CREB3L2: variants seen among roughly 807,000 people sequenced by gnomAD.
CREB3L2 encodes cAMP responsive element binding protein 3 like 2.
Under a neutral mutation model 57.2 loss-of-function variants are expected in CREB3L2, and 23 were observed. The ratio of observed to expected loss-of-function variants is 0.40; its 90% CI spans 0.29 to 0.57. The LOEUF is 0.57. CREB3L2 is among the 20% of genes least tolerant of loss of function. The pLI is 0.42. For missense variants in CREB3L2, 628 were observed against 634.7 expected (o/e 0.99, Z 0.11); for synonymous variants, 268 against 265.1 (o/e 1.01, Z -0.11).
chr7:137,884,694 T>A, intron 10 of CREB3L2: 2 of 594,014 alleles, frequency 3.4e-6, no homozygotes, highest in Non-Finnish European at 6.0e-6. Context: ...TTCCCTCATC[T>A]GCTTCCCTCT....
At chr7:137,905,645 T>C in intron 6 of CREB3L2, 57 bp downstream of exon 6, 1 of 1,581,812 alleles carries the variant, frequency 6.3e-7, no homozygotes, top group East Asian at 2.2e-5. Context: ...GGGAAAGGGA[T>C]GCTGACTCGA....
intron 10 of CREB3L2, among the ~76,000 whole-genome samples, chr7:137,883,343 C>A (rs1297134135): frequency 6.6e-6 from 1 of 152,180 alleles, no homozygotes; most frequent in African/African-American, 2.4e-5. Flanking sequence ...TTCCCTATCC[C>A]AAATCCAGTA....
At chr7:137,981,743 C>T (rs1801715758) in intron 1 of CREB3L2, among the ~76,000 whole-genome samples, 1 of 152,202 alleles carries the variant, frequency 6.6e-6, no homozygotes, top group Admixed American at 6.5e-5. Flanking sequence ...CTTGAGAATA[C>T]TCCGAAATGC....
chr7:137,918,257 C>A (rs1057034231), intron 2 of CREB3L2, among the ~76,000 whole-genome samples: 2 of 152,184 alleles, frequency 1.3e-5, no homozygotes, highest in African/African-American at 4.8e-5. Context: ...GTGGCACCAT[C>A]TCGGCTCGCT....
intron 6 of CREB3L2, 44 bp from the exon 7 acceptor site, chr7:137,904,061 G>T: frequency 6.6e-7 from 1 of 1,517,304 alleles, no homozygotes; most frequent in Non-Finnish European, 9.2e-7. Flanking sequence ...TTCCAGCTCT[G>T]TAAGTAAACC....
At chr7:137,895,196 T>C (rs1462578240) in intron 8 of CREB3L2, among the ~76,000 whole-genome samples, 1 of 152,010 alleles carries the variant, frequency 6.6e-6, no homozygotes, top group Non-Finnish European at 1.5e-5. Context: ...ACTATACCAG[T>C]GGGAAAAAAT....
chr7:137,940,654 G>A (rs888190389), intron 1 of CREB3L2, among the ~76,000 whole-genome samples: 2 of 152,208 alleles, frequency 1.3e-5, no homozygotes, highest in African/African-American at 4.8e-5. Flanking sequence ...AACAGAACGT[G>A]CATGTTGCAA....
intron 1 of CREB3L2, among the ~76,000 whole-genome samples, chr7:137,982,487 TGG>T (rs978954895): frequency 6.6e-6 from 1 of 152,106 alleles, no homozygotes; most frequent in Non-Finnish European, 1.5e-5. Context: ...AGGGACGCAG[TGG>T]GAAGTCATTG....
At chr7:137,947,824 A>G (rs918228526) in intron 1 of CREB3L2, among the ~76,000 whole-genome samples, 2 of 152,242 alleles carry the variant, frequency 1.3e-5, no homozygotes, top group Admixed American at 1.3e-4. Context: ...GACCAGTCAC[A>G]GCCTGGCTTG....
At chr7:137,996,811 T>A (rs1180847429) in intron 1 of CREB3L2, among the ~76,000 whole-genome samples, 1 of 152,208 alleles carries the variant, frequency 6.6e-6, no homozygotes, top group Non-Finnish European at 1.5e-5. Context: ...AACCACCAAA[T>A]GATTTTACAA....
At chr7:137,977,346 G>T (rs1034340120) in intron 1 of CREB3L2, among the ~76,000 whole-genome samples, 1 of 152,208 alleles carries the variant, frequency 6.6e-6, no homozygotes, top group East Asian at 1.9e-4. Flanking sequence ...TCCTCTAAGA[G>T]ACCCAAAGCA....
intron 1 of CREB3L2, among the ~76,000 whole-genome samples, chr7:137,969,324 TGA>T (rs1173772767): frequency 6.6e-6 from 1 of 151,336 alleles, no homozygotes. Context: ...AAAATTTTTT[TGA>T]GCATTATGAT....
rs1076517 is a variant in CREB3L2, at chr7:137,987,260, G to C, written c.102+14344C>G. Reference sequence around the variant, plus strand: ...TCACTAGATCCCATCTCTTTCCAAAGGATAACATCTACTGCCTAAGTCATC... The same window carrying C: ...TCACTAGATCCCATCTCTTTCCAAACGATAACATCTACTGCCTAAGTCATC... On this transcript the variant is annotated intron_variant, in intron 1 of 11. Coordinates refer to ENST00000330387, the MANE Select transcript of CREB3L2 (RefSeq NM_194071.4). 3.3e-5 allele frequency among the ~76,000 whole-genome samples: 5 copies of C among 152,228 alleles called. No individual in the cohort carries two copies. The East Asian group carries it at 9.6e-4, about 29-fold the overall frequency.
chr7:137,908,031 T>C (rs973099469), intron 5 of CREB3L2, among the ~76,000 whole-genome samples: 2 of 152,122 alleles, frequency 1.3e-5, no homozygotes, highest in South Asian at 2.1e-4. Flanking sequence ...GAAGTGTGCA[T>C]GTGAAAAGGA....
intron 1 of CREB3L2, among the ~76,000 whole-genome samples, chr7:137,932,276 T>C (rs1800663355): frequency 6.6e-6 from 1 of 152,226 alleles, no homozygotes; most frequent in Non-Finnish European, 1.5e-5. Flanking sequence ...TTTTATTGTA[T>C]GTAACATTGT....
rs1414845477 is a variant in CREB3L2, at chr7:137,901,383, C to G, written c.1014G>C (p.Lys338Asn). 23 of 1,608,574 alleles carry G rather than the reference C, an allele frequency of 1.4e-5. No individual in the cohort carries two copies. Among genetic ancestry groups the G allele is most frequent in the Non-Finnish European group, 1.9e-5 (22 of 1,175,184 alleles). Reference sequence around the variant, plus strand: ...TAGTGTTCTCTAGAACCTCTACCTTCTTCCGAAGCTCCAAGTTCTCAGTTG... The same window carrying G: ...TAGTGTTCTCTAGAACCTCTACCTTGTTCCGAAGCTCCAAGTTCTCAGTTG... ...SCSTENLELR[K>N]KVEVLENTNR... is the part of the protein sequence containing the mutation. Residue 338 changes from lysine (K) to asparagine (N), a missense_variant, in exon 8 of 12, where the codon AAG becomes AAC. Lys to Asn is a moderately conservative substitution (Grantham distance 94). Coordinates refer to ENST00000330387, the MANE Select transcript of CREB3L2 (RefSeq NM_194071.4).
chr7:137,976,440 G>A (rs1052339619), intron 1 of CREB3L2, among the ~76,000 whole-genome samples: 10 of 149,860 alleles, frequency 6.7e-5, no homozygotes, highest in Non-Finnish European at 1.3e-4. Context: ...ACAATCATCT[G>A]GAGAAGTGGT....
intron 1 of CREB3L2, among the ~76,000 whole-genome samples, chr7:137,932,745 G>T (rs1800679722): frequency 6.6e-6 from 1 of 152,170 alleles, no homozygotes; most frequent in Non-Finnish European, 1.5e-5. Flanking sequence ...ATATGCCCAA[G>T]GTAAGAGGAA....
intron 1 of CREB3L2, among the ~76,000 whole-genome samples, chr7:137,965,019 C>G (rs1801386659): frequency 6.6e-6 from 1 of 152,080 alleles, no homozygotes; most frequent in South Asian, 2.1e-4. Flanking sequence ...TATAAATTAC[C>G]CAGACTCAGG....
Sources: allele counts gnomAD v4.1 joint callset (sites outside exome capture counted in the v4.1 genomes callset), GRCh38; gene constraint gnomAD v4.1.1; transcripts MANE v1.5; gene names NCBI Gene and HGNC (gene_info 2026-07-23, HGNC 2026-07-21).